PPARGC1A: variants seen among roughly 807,000 people sequenced by gnomAD.
PPARGC1A encodes the protein peroxisome proliferator-activated receptor gamma coactivator 1-alpha.
In PPARGC1A, 25 loss-of-function variants were observed where a neutral mutation model predicts 88.7. The observed-to-expected ratio is 0.28, with a 90% CI of 0.21 to 0.39. The LOEUF (loss-of-function observed/expected upper bound fraction) is 0.39. Among genes scored for constraint, PPARGC1A ranks in the 10% least tolerant of loss-of-function variants. PPARGC1A has a pLI of 1.00. For missense variants in PPARGC1A, 880 were observed against 968.7 expected (o/e 0.91, Z 1.22); for synonymous variants, 363 against 355.6 (o/e 1.02, Z -0.24).
At chr4:24,203,558 C>T in the PPARGC1A span, among the ~76,000 whole-genome samples, 2 of 100,804 alleles carry the variant, frequency 2.0e-5, no homozygotes, top group African/African-American at 5.5e-5. Flanking sequence ...AAGAAAAAGA[C>T]AGATGAGAGA....
the PPARGC1A span, among the ~76,000 whole-genome samples, chr4:24,169,656 G>A: frequency 6.6e-6 from 1 of 152,070 alleles, no homozygotes; most frequent in African/African-American, 2.4e-5. Flanking sequence ...GATCACCTGA[G>A]ATTAGGAGTT....
the PPARGC1A span, among the ~76,000 whole-genome samples, chr4:24,338,888 T>C: frequency 0.18 from 26,704 of 152,014 alleles, 2,470 homozygotes; most frequent in Non-Finnish European, 0.2. Flanking sequence ...ATCAGTTCAG[T>C]ACACTTTTAA....
chr4:24,303,752 A>G, the PPARGC1A span, among the ~76,000 whole-genome samples: 2 of 152,216 alleles, frequency 1.3e-5, no homozygotes, highest in Non-Finnish European at 2.9e-5. Flanking sequence ...AGAGTACATC[A>G]TCTGGTCTAA....
chr4:24,191,479 C>T, the PPARGC1A span, among the ~76,000 whole-genome samples: 3 of 152,138 alleles, frequency 2.0e-5, no homozygotes, highest in African/African-American at 4.8e-5. Flanking sequence ...GATAATGTCT[C>T]GCCTTTGCAT....
At chr4:24,359,022 T>C in the PPARGC1A span, among the ~76,000 whole-genome samples, 2 of 152,208 alleles carry the variant, frequency 1.3e-5, no homozygotes, top group Non-Finnish European at 2.9e-5. Flanking sequence ...CACTCCCATT[T>C]CTGTTGGTAT....
At chr4:23,957,366 T>C in the PPARGC1A span, among the ~76,000 whole-genome samples, 1 of 152,104 alleles carries the variant, frequency 6.6e-6, no homozygotes, top group Non-Finnish European at 1.5e-5. Context: ...GTTTTATTTT[T>C]TTCTGGTATT....
chr4:23,920,763 T>C, the PPARGC1A span, among the ~76,000 whole-genome samples: 1 of 152,316 alleles, frequency 6.6e-6, no homozygotes. Context: ...TACATTATCT[T>C]CCATCTCCTA....
chr4:23,979,108 G>T, the PPARGC1A span, among the ~76,000 whole-genome samples: 2 of 152,056 alleles, frequency 1.3e-5, no homozygotes, highest in African/African-American at 2.4e-5. Context: ...TATAAAAATC[G>T]TTTAACTCAA....
chr4:24,160,210 T>C, the PPARGC1A span, among the ~76,000 whole-genome samples: 7 of 152,232 alleles, frequency 4.6e-5, no homozygotes, highest in African/African-American at 1.7e-4. Flanking sequence ...TAAGGAATTG[T>C]TCATTTCACA....
the PPARGC1A span, among the ~76,000 whole-genome samples, chr4:24,226,717 G>A: frequency 1.3e-5 from 2 of 152,208 alleles, no homozygotes; most frequent in Non-Finnish European, 2.9e-5. Flanking sequence ...CACACAACCT[G>A]CCAGCGCTGG....
At chr4:23,814,885 A>G (rs1293376125) in intron 7 of PPARGC1A, among the ~76,000 whole-genome samples, 2 of 152,142 alleles carry the variant, frequency 1.3e-5, no homozygotes, top group Non-Finnish European at 2.9e-5. Flanking sequence ...TGCTTCCCAG[A>G]AAACATGAAT....
chr4:24,323,992 A>G, the PPARGC1A span, among the ~76,000 whole-genome samples: 1 of 152,178 alleles, frequency 6.6e-6, no homozygotes, highest in Non-Finnish European at 1.5e-5. Context: ...ATTTTCTGGT[A>G]GAGACAAAAG....
the PPARGC1A span, among the ~76,000 whole-genome samples, chr4:24,218,924 G>A: frequency 3.9e-5 from 6 of 152,222 alleles, no homozygotes; most frequent in African/African-American, 1.2e-4. Context: ...ATGCCCCAAT[G>A]TCCTTGATTC....
the PPARGC1A span, among the ~76,000 whole-genome samples, chr4:23,993,159 TCTATGTCAC>T: frequency 2.0e-5 from 3 of 152,142 alleles, no homozygotes; most frequent in African/African-American, 7.2e-5. Flanking sequence ...AAAGCTATAT[TCTATGTCAC>T]CTCATTATAG....
At chr4:23,892,334 A>C (rs1448892460), upstream of PPARGC1A, among the ~76,000 whole-genome samples, 2 of 152,188 alleles carry the variant, frequency 1.3e-5, no homozygotes, top group African/African-American at 4.8e-5. Context: ...AACAACATTT[A>C]AAAGACTCAT....
At chr4:23,824,694 C>A (rs973813913) in intron 5 of PPARGC1A, among the ~76,000 whole-genome samples, 186 bp from the exon 6 acceptor site, 1 of 152,042 alleles carries the variant, frequency 6.6e-6, no homozygotes, top group Non-Finnish European at 1.5e-5. Context: ...ACAGCGTTTG[C>A]ATCAGTAAAC....
At chr4:24,339,237 T>TACACACACACACACACACAC in the PPARGC1A span, among the ~76,000 whole-genome samples, 16 of 104,302 alleles carry the variant, frequency 1.5e-4, no homozygotes, top group African/African-American at 5.6e-4. Flanking sequence ...TATATATATA[T>TACACACACACACACACACAC]ACACACACAC....
At chr4:24,467,606 C>T in the PPARGC1A span, among the ~76,000 whole-genome samples, 1 of 151,816 alleles carries the variant, frequency 6.6e-6, no homozygotes, top group Non-Finnish European at 1.5e-5. Flanking sequence ...AGAAGTGTTC[C>T]TCAGTGGGCT....
the PPARGC1A span, among the ~76,000 whole-genome samples, chr4:24,426,776 C>G: frequency 6.6e-6 from 1 of 152,182 alleles, no homozygotes; most frequent in South Asian, 2.1e-4. Flanking sequence ...GTTATCACAC[C>G]AGGAATCTTA....
Sources: allele counts gnomAD v4.1 joint callset (sites outside exome capture counted in the v4.1 genomes callset), GRCh38; gene constraint gnomAD v4.1.1; transcripts MANE v1.5; gene names NCBI Gene and HGNC (gene_info 2026-07-23, HGNC 2026-07-21).